MED27: variants seen among roughly 807,000 people sequenced by gnomAD.
The protein encoded by MED27 is mediator of RNA polymerase II transcription subunit 27.
MED27 carries 30 observed loss-of-function variants against 38.2 expected under a neutral mutation model. The observed-to-expected ratio is 0.79, with a 90% confidence interval of 0.59 to 1.07. The LOEUF is 1.07. Ranked by LOEUF, MED27 falls within the 50% of genes least tolerant of loss-of-function variation. The pLI is 0.00. For synonymous variants in MED27, 122 were observed against 153.5 expected (o/e 0.79, Z 1.52); for missense variants, 289 against 397.5 (o/e 0.73, Z 2.32).
rs1372609075 is a variant in MED27 at position 131,989,626 on chromosome 9, C to T, written c.479+24711G>A. ...AAGTAGATTCACACTGTTGTGAAACCAGTTGTATTATTTTTAATTTAACTC... is the reference window on the plus strand; with the variant it reads ...AAGTAGATTCACACTGTTGTGAAACTAGTTGTATTATTTTTAATTTAACTC... On this transcript the variant is annotated intron_variant, in intron 3 of 7. Transcript: ENST00000292035. Among the ~76,000 whole-genome samples the T allele has an allele frequency of 2.0e-5, 3 of 152,122 alleles. No individual in the cohort carries two copies. In the East Asian group the frequency reaches 5.8e-4, roughly 29 times the overall value.
chr9:132,070,801 C>T (rs1013738392), intron 2 of MED27, among the ~76,000 whole-genome samples: 1 of 152,012 alleles, frequency 6.6e-6, no homozygotes, highest in Non-Finnish European at 1.5e-5. Flanking sequence ...CTCCCACACC[C>T]CCCACCAAAC....
intron 3 of MED27, among the ~76,000 whole-genome samples, chr9:131,977,161 T>C (rs1481781479): frequency 6.6e-6 from 1 of 152,204 alleles, no homozygotes; most frequent in African/African-American, 2.4e-5. Context: ...AAGTTGCTTC[T>C]TCAGGAACTC....
chr9:132,065,083 A>G (rs1200038496), intron 2 of MED27, among the ~76,000 whole-genome samples: 1 of 152,244 alleles, frequency 6.6e-6, no homozygotes, highest in Non-Finnish European at 1.5e-5. Flanking sequence ...CCTAGCAAAA[A>G]GCACACTACC....
At chr9:131,937,244 G>C (rs1226807400) in intron 4 of MED27, among the ~76,000 whole-genome samples, 1 of 152,144 alleles carries the variant, frequency 6.6e-6, no homozygotes, top group Non-Finnish European at 1.5e-5. Context: ...TATGTTAAAA[G>C]TATGATTAAC....
intron 2 of MED27, among the ~76,000 whole-genome samples, chr9:132,038,578 T>C (rs1252603684): frequency 6.6e-6 from 1 of 152,192 alleles, no homozygotes; most frequent in Admixed American, 6.5e-5. Flanking sequence ...AAGTAAAATA[T>C]ACAGTATATT....
chr9:132,048,486 C>T (rs914164599), intron 2 of MED27, among the ~76,000 whole-genome samples: 5 of 152,210 alleles, frequency 3.3e-5, no homozygotes, highest in Non-Finnish European at 7.3e-5. Flanking sequence ...GTAGTTTGGT[C>T]TCTGTGGACA....
intron 3 of MED27, among the ~76,000 whole-genome samples, chr9:132,011,661 T>C (rs1286744068): frequency 6.6e-6 from 1 of 152,146 alleles, no homozygotes; most frequent in Non-Finnish European, 1.5e-5. Context: ...AGGAAAAACA[T>C]GCCTCTAAAA....
chr9:132,068,317 G>C (rs1022945670), intron 2 of MED27, among the ~76,000 whole-genome samples: 1 of 152,156 alleles, frequency 6.6e-6, no homozygotes, highest in African/African-American at 2.4e-5. Flanking sequence ...TCGGGCTCCC[G>C]TGTACTATTA....
chr9:132,072,852 A>G (rs950966169), intron 2 of MED27, among the ~76,000 whole-genome samples: 1 of 152,106 alleles, frequency 6.6e-6, no homozygotes, highest in East Asian at 1.9e-4. Flanking sequence ...GAGAAGAATG[A>G]GTCAGGGGTG....
At chr9:132,073,314 ACCACGAAAGG>A (rs1407756520) in intron 2 of MED27, 1 of 986,510 alleles carries the variant, frequency 1.0e-6, no homozygotes, top group African/African-American at 1.7e-5. Context: ...AAGCAAGCAA[ACCACGAAAGG>A]GGTTGTAAAT....
At chr9:132,058,015 T>A (rs1415397307) in intron 2 of MED27, among the ~76,000 whole-genome samples, 2 of 152,118 alleles carry the variant, frequency 1.3e-5, no homozygotes, top group South Asian at 2.1e-4. Context: ...GAATGTTCTA[T>A]CCTCAAGAAA....
chr9:132,071,068 AC>A (rs1316721491), intron 2 of MED27, among the ~76,000 whole-genome samples: 1 of 152,210 alleles, frequency 6.6e-6, no homozygotes, highest in Non-Finnish European at 1.5e-5. Context: ...AATAGCAGCC[AC>A]TGGAGAGTAC....
At chr9:131,916,973 A>G (rs1304794154) in intron 4 of MED27, among the ~76,000 whole-genome samples, 2 of 152,200 alleles carry the variant, frequency 1.3e-5, no homozygotes, top group African/African-American at 4.8e-5. Context: ...ATGACATTAG[A>G]GCCCCATCTC....
intron 3 of MED27, among the ~76,000 whole-genome samples, chr9:132,008,090 A>G (rs1295521523): frequency 6.6e-6 from 1 of 152,220 alleles, no homozygotes; most frequent in African/African-American, 2.4e-5. Flanking sequence ...GCATTTCATC[A>G]GGCCAAGTTG....
At chr9:131,951,698 T>C (rs1831000666) in intron 3 of MED27, among the ~76,000 whole-genome samples, 1 of 152,224 alleles carries the variant, frequency 6.6e-6, no homozygotes, top group South Asian at 2.1e-4. Flanking sequence ...TAACACAAAA[T>C]AGGCAAATAA....
At chr9:131,863,198 A>C in intron 6 of MED27, 58 bp from the exon 7 acceptor site, 1 of 1,429,542 alleles carries the variant, frequency 7.0e-7, no homozygotes, top group Non-Finnish European at 9.9e-7. Flanking sequence ...TAGAGAAAAC[A>C]AGCAGGACAA....
chr9:132,024,833 C>T (rs1241184029), intron 2 of MED27, among the ~76,000 whole-genome samples: 1 of 152,220 alleles, frequency 6.6e-6, no homozygotes, highest in Non-Finnish European at 1.5e-5. Context: ...TTTTAATCTA[C>T]ACACAACCTA....
chr9:131,883,039 C>CT lies in MED27; in HGVS notation c.723+1018dup, dbSNP rs764038000. ...TCTTCTGCCTCAGCCTCCTGAGTAG[C>CT]TAGGATTATAGGCGCCCGCCACCAT... On this transcript the variant is annotated intron_variant, in intron 6 of 7. Coordinates refer to ENST00000292035, the MANE Select transcript of MED27 (RefSeq NM_004269.4). The surrounding 1 kb of genome is among the most constrained non-coding windows in gnomAD (Gnocchi z 4.2). 2.6e-5 allele frequency among the ~76,000 whole-genome samples: 4 copies of CT among 152,062 alleles called. No homozygotes were observed. Among genetic ancestry groups the CT allele is most frequent in the Non-Finnish European group, 4.4e-5 (3 of 68,026 alleles).
intron 3 of MED27, among the ~76,000 whole-genome samples, chr9:131,995,449 A>G (rs1478265135): frequency 6.6e-6 from 1 of 152,180 alleles, no homozygotes; most frequent in Non-Finnish European, 1.5e-5. Flanking sequence ...TCAAGTTCCC[A>G]AAATGGCACT....
Sources: allele counts gnomAD v4.1 joint callset (sites outside exome capture counted in the v4.1 genomes callset), GRCh38; gene constraint gnomAD v4.1.1; non-coding constraint Gnocchi (gnomAD v3.1); transcripts MANE v1.5; gene names NCBI Gene and HGNC (gene_info 2026-07-23, HGNC 2026-07-21).